The following ARMCX1 variants were observed in gnomAD, a reference collection of about 807,000 sequenced individuals.
ARMCX1 encodes armadillo repeat-containing X-linked protein 1.
In ARMCX1, 4 loss-of-function variants were observed where a neutral mutation model predicts 15.4. The ratio of observed to expected loss-of-function variants is 0.26; its 90% CI spans 0.13 to 0.59. The LOEUF (loss-of-function observed/expected upper bound fraction) is 0.59, where lower values mean the gene tolerates loss of function less well. ARMCX1 is among the 20% of genes least tolerant of loss of function. ARMCX1 has a pLI of 0.89. For synonymous variants in ARMCX1, 144 were observed against 130.5 expected (o/e 1.10, Z -0.71); for missense variants, 273 against 337.1 (o/e 0.81, Z 1.49).
Position 101,553,791 on chromosome X carries a change from C to T in ARMCX1, c.861C>T (p.Tyr287=), listed in dbSNP as rs1556027451. Residue 287 remains tyrosine (Y), a synonymous_variant, in exon 4 of 4, where the codon TAC becomes TAT. Coordinates refer to ENST00000372829, the MANE Select transcript of ARMCX1 (RefSeq NM_016608.2). ...AAAATCAGGGCAAGATTAAGACGTA[C>T]ATCAGTCAAGTGTGTGATGACACCA... ...NAENQGKIKT[Y]ISQVCDDTMV... is the part of the protein sequence containing the mutation. The T allele has an allele frequency of 4.1e-6, 5 of 1,210,077 alleles. No individual in the cohort carries two copies. Among genetic ancestry groups the T allele is most frequent in the Non-Finnish European group, 5.6e-6 (5 of 895,261 alleles).
intron 3 of ARMCX1, 120 bp from the exon 4 acceptor site, chrX:101,552,689 G>A (rs1935395100): frequency 5.6e-6 from 2 of 354,358 alleles, no homozygotes; most frequent in East Asian, 4.3e-5. Context: ...ATCAAGCCCC[G>A]AGTCTCTGCC....
rs781882847 is a variant in ARMCX1, at chrX:101,553,660, C to T, written c.730C>T (p.Arg244Cys). The T allele has an allele frequency of 1.7e-6, 2 of 1,211,541 alleles. No individual in the cohort carries two copies. Among genetic ancestry groups the T allele is most frequent in the Admixed American group, 2.2e-5 (1 of 46,017 alleles). The change falls in exon 4 of 4, where the codon CGT becomes TGT. Residue 244 changes from arginine (R) to cysteine (C), a missense_variant. Arg to Cys is a radical substitution (Grantham distance 180). Around this residue, in one of 2 missense-constraint regions of ARMCX1, gnomAD observed 126 missense variants for 193.6 expected, o/e 0.65. Coordinates refer to ENST00000372829, the MANE Select transcript of ARMCX1 (RefSeq NM_016608.2). ...ATATTCATTTAACCAGAATGCCATA[C>T]GTGAATTGGGTGGTGTCCCAATTAT... ...AAYSFNQNAI[R>C]ELGGVPIIAK...
rs1255162616 is a variant in ARMCX1 at position 101,551,587 on chromosome X, A to T, written c.-169A>T. On this transcript the variant is annotated 5_prime_UTR_variant, in exon 3 of 4. Transcript: ENST00000372829. ...TCTGCAGATCTTGGGGCCGGAGGCC[A>T]GTCCAACCCTTGGAGCAGGAAGAAA... 1 of 112,685 alleles carries T rather than the reference A, an allele frequency of 8.9e-6. No individual in the cohort carries two copies. Among genetic ancestry groups the T allele is most frequent in the African/African-American group, 3.2e-5 (1 of 30,984 alleles). The allele number at this position is 112,685 out of a possible 1,213,427, so 9.3% of individuals were successfully genotyped here.
Position 101,553,690 on chromosome X carries a change from A to G in ARMCX1, c.760A>G (p.Lys254Glu). The change falls in exon 4 of 4, where the codon AAA becomes GAA. Residue 254 changes from lysine (K) to glutamate (E), a missense_variant. By Grantham distance (56) the Lys-to-Glu change is moderately conservative. This residue lies in a region of ARMCX1 where 126 missense variants were observed against 193.6 expected (regional missense o/e 0.65). Coordinates refer to ENST00000372829, the MANE Select transcript of ARMCX1 (RefSeq NM_016608.2). ...RELGGVPIIA[K>E]LIKTKDPIIR... Reference sequence around the variant, plus strand: ...ATTGGGTGGTGTCCCAATTATTGCAAAACTGATAAAAACAAAAGACCCCAT... The same window carrying G: ...ATTGGGTGGTGTCCCAATTATTGCAGAACTGATAAAAACAAAAGACCCCAT... 1 of 1,211,105 alleles carries G rather than the reference A, an allele frequency of 8.3e-7. No individual in the cohort carries two copies. The highest frequency in any genetic ancestry group is 1.1e-6 in the Non-Finnish European group (1 of 895,296).
At chrX:101,552,075 G>T (rs968217283) in intron 3 of ARMCX1, among the ~76,000 whole-genome samples, 4 of 106,192 alleles carry the variant, frequency 3.8e-5, no homozygotes, top group African/African-American at 1.4e-4. Context: ...CGGAGGCAAG[G>T]GCGGAGTTGG....
intron 1 of ARMCX1, 67 bp from the exon 2 acceptor site, chrX:101,550,904 G>C (rs1433729333): frequency 9.0e-6 from 1 of 111,421 alleles, no homozygotes; most frequent in African/African-American, 3.3e-5. Flanking sequence ...TGTCCTGTGT[G>C]CTGGCCCATC....
chrX:101,552,267 A>G (rs1316860977), intron 3 of ARMCX1, among the ~76,000 whole-genome samples: 2 of 110,425 alleles, frequency 1.8e-5, no homozygotes, highest in African/African-American at 6.6e-5. Context: ...GGAGGGAGAT[A>G]ATGAATTCCA....
intron 3 of ARMCX1, among the ~76,000 whole-genome samples, chrX:101,552,025 G>T (rs1287239544): frequency 1.6e-4 from 9 of 56,753 alleles, no homozygotes; most frequent in Middle Eastern, 9.8e-3. Context: ...TGGGGGGGGG[G>T]GGCGGCGGTG....
At position 101,554,422 on chromosome X, in the gene ARMCX1, C is replaced by T. The variant is rs1202713294; in HGVS notation, c.*130C>T. ...GCTGCTATTTTGGAATAATGACTATCATATATCATAACAGTGACTGATGTT... is the reference window on the plus strand; with the variant it reads ...GCTGCTATTTTGGAATAATGACTATTATATATCATAACAGTGACTGATGTT... On this transcript the variant is annotated 3_prime_UTR_variant, in exon 4 of 4. Transcript: ENST00000372829. 4 of 671,285 alleles carry T rather than the reference C, an allele frequency of 6.0e-6. No individual in the cohort carries two copies. The highest frequency in any genetic ancestry group is 6.5e-6 in the Non-Finnish European group (3 of 461,985). The allele number at this position is 671,285 out of a possible 1,213,427, so 55.3% of individuals were successfully genotyped here. A position where few individuals can be genotyped will look rare whatever the true frequency, so the allele number is the denominator to read the frequency against.
chrX:101,550,818 G>A (rs782155391), intron 1 of ARMCX1, among the ~76,000 whole-genome samples, 153 bp from the exon 2 acceptor site: 23 of 111,582 alleles, frequency 2.1e-4, no homozygotes, highest in Non-Finnish European at 3.4e-4. Context: ...GATTCCAGGG[G>A]CGACCCCAGA....
Position 101,553,414 on chromosome X carries a change from G to T in ARMCX1, c.484G>T (p.Gly162Trp). ...CCCCACCAGGAGTGGATCTAGGGCCGGGGGCAGGGCAAGTGGAAAATCCAA... is the reference window on the plus strand; with the variant it reads ...CCCCACCAGGAGTGGATCTAGGGCCTGGGGCAGGGCAAGTGGAAAATCCAA... The part of the protein sequence containing the change: ...CHPTRSGSRA[G>W]GRASGKSKGK... The change falls in exon 4 of 4, where the codon GGG becomes TGG. Residue 162 changes from glycine to tryptophan, a missense_variant. By Grantham distance (184) the Gly-to-Trp change is radical. Coordinates refer to ENST00000372829, the MANE Select transcript of ARMCX1 (RefSeq NM_016608.2). 8.4e-7 allele frequency: 1 copy of T among 1,193,390 alleles called. No individual in the cohort carries two copies. Among genetic ancestry groups the T allele is most frequent in the Non-Finnish European group, 1.1e-6 (1 of 886,680 alleles).
chrX:101,551,229 C>G (rs1048311043), intron 2 of ARMCX1, among the ~76,000 whole-genome samples: 7 of 109,981 alleles, frequency 6.4e-5, no homozygotes, highest in Non-Finnish European at 9.5e-5. Context: ...TAGAAGAGAT[C>G]GGTTGGTTTT....
intron 3 of ARMCX1, among the ~76,000 whole-genome samples, chrX:101,552,483 AG>A (rs1169667040): frequency 3.6e-5 from 4 of 111,238 alleles, no homozygotes; most frequent in African/African-American, 1.3e-4. Flanking sequence ...AAGAAAGAGA[AG>A]GAAAAAAAAC....
chrX:101,552,921 CA>C lies in ARMCX1; in HGVS notation c.-9del. On this transcript the variant is annotated 5_prime_UTR_variant, in exon 4 of 4. Transcript: ENST00000372829. The stretch of plus-strand genomic sequence containing the variant: ...TGTGCTCGGGTTAAGAGATTTGTCC[CA>C]GCTATACCATGGGCCGCACTCGGGA... 1 of 1,204,209 alleles carries C rather than the reference CA, an allele frequency of 8.3e-7. No individual in the cohort carries two copies. Among genetic ancestry groups the C allele is most frequent in the East Asian group, 3.0e-5 (1 of 33,802 alleles).
chrX:101,554,468 G>A lies in ARMCX1; in HGVS notation c.*176G>A. ...ATGTTGGTTGTAATGGTTGGGTTTA[G>A]GATGAACCATTTTAAGGATGCCAAA... On this transcript the variant is annotated 3_prime_UTR_variant, in exon 4 of 4. Coordinates refer to ENST00000372829, the MANE Select transcript of ARMCX1 (RefSeq NM_016608.2). The A allele has an allele frequency of 2.3e-6, 1 of 426,489 alleles. No homozygotes were observed. Among genetic ancestry groups the A allele is most frequent in the Non-Finnish European group, 3.8e-6 (1 of 260,951 alleles). The allele number at this position is 426,489 out of a possible 1,213,427, so 35.1% of individuals were successfully genotyped here.
At chrX:101,550,743 C>T (rs1366278466) in intron 1 of ARMCX1, 83 bp downstream of exon 1, 1 of 111,928 alleles carries the variant, frequency 8.9e-6, no homozygotes, top group Admixed American at 9.4e-5. Flanking sequence ...GCACAGTTCA[C>T]TTTCTCCAAA....
rs782637893 is a variant in ARMCX1, at chrX:101,553,368, A to G, written c.438A>G (p.Gly146=). The G allele has an allele frequency of 3.4e-6, 4 of 1,189,462 alleles. No individual in the cohort carries two copies. The South Asian group carries it at 5.7e-5, about 17-fold the overall frequency. Residue 146 remains glycine, a synonymous_variant, in exon 4 of 4, where the codon GGA becomes GGG. Transcript: ENST00000372829. ...TTGCACCGAGTTTACCCTGCCCAGG[A>G]GGCAGGGGTGGAGGCTGCCACCCCA... is the stretch of plus-strand genomic sequence containing the variant. ...RTLAPSLPCP[G]GRGGGCHPTR...
In ARMCX1 at chrX:101,554,446, T is replaced by C. The variant is rs1831896009; in HGVS notation, c.*154T>C. 1 of 539,717 alleles carries C rather than the reference T, an allele frequency of 1.9e-6. No individual in the cohort carries two copies. The highest frequency in any genetic ancestry group is 2.4e-5 in the African/African-American group (1 of 41,891). 44.5% of individuals were successfully genotyped at this position (539,717 alleles called of 1,213,427 possible). A position where few individuals can be genotyped will look rare whatever the true frequency, so the allele number is the denominator to read the frequency against. ...TCATATATCATAACAGTGACTGATGTTGGTTGTAATGGTTGGGTTTAGGAT... is the reference window on the plus strand; with the variant it reads ...TCATATATCATAACAGTGACTGATGCTGGTTGTAATGGTTGGGTTTAGGAT... On this transcript the variant is annotated 3_prime_UTR_variant, in exon 4 of 4. Coordinates refer to ENST00000372829, the MANE Select transcript of ARMCX1 (RefSeq NM_016608.2).
Position 101,554,395 on chromosome X carries a change from C to A in ARMCX1, c.*103C>A. Reference sequence around the variant, plus strand: ...TGCGTATATGGTAAAGAGATCTTTTCAGCTGCTATTTTGGAATAATGACTA... The same window carrying A: ...TGCGTATATGGTAAAGAGATCTTTTAAGCTGCTATTTTGGAATAATGACTA... On this transcript the variant is annotated 3_prime_UTR_variant, in exon 4 of 4. Transcript: ENST00000372829. The A allele has an allele frequency of 1.2e-6, 1 of 846,875 alleles. No homozygotes were observed. The allele number at this position is 846,875 out of a possible 1,213,427, so 69.8% of individuals were successfully genotyped here.
Sources: gnomAD v4.1 joint callset for allele counts (sites outside exome capture counted in the v4.1 genomes callset) on GRCh38, gnomAD v4.1.1 for gene constraint, gnomAD v4.1.1 regional missense constraint, MANE v1.5 for transcripts, NCBI Gene and HGNC (gene_info 2026-07-23, HGNC 2026-07-21) for gene names.